RBFOX1: variants seen among roughly 807,000 people sequenced by gnomAD.
RBFOX1 encodes RNA binding fox-1 homolog 1, also known as RNA binding protein fox-1 homolog 1.
In RBFOX1, 8 loss-of-function variants were observed where a neutral mutation model predicts 57.7. The observed-to-expected ratio is 0.14, with a 90% CI of 0.08 to 0.25. RBFOX1 has a LOEUF of 0.25. Ranked by LOEUF, RBFOX1 falls within the 10% of genes least tolerant of loss-of-function variation. RBFOX1 has a pLI of 1.00. For synonymous variants in RBFOX1, 326 were observed against 222.4 expected (o/e 1.47, Z -4.15); for missense variants, 611 against 548.5 (o/e 1.11, Z -1.14).
chr16:5,957,801 C>T (rs1295565337), intron 4 of RBFOX1, among the ~76,000 whole-genome samples: 2 of 152,018 alleles, frequency 1.3e-5, no homozygotes, highest in Admixed American at 6.6e-5. Flanking sequence ...GAGCATTGAT[C>T]CTTTGTGTTA....
chr16:6,899,293 A>T (rs1471418240), intron 3 of RBFOX1, among the ~76,000 whole-genome samples: 1 of 152,150 alleles, frequency 6.6e-6, no homozygotes. Context: ...TGTATAATAC[A>T]TATGTGTATG....
chr16:6,095,152 C>T (rs1567442361), intron 1 of RBFOX1, among the ~76,000 whole-genome samples: 2 of 152,176 alleles, frequency 1.3e-5, no homozygotes, highest in South Asian at 2.1e-4. Flanking sequence ...TATCATCATC[C>T]TCAGCATTAC....
At chr16:7,018,787 T>TAAA (rs141781801) in intron 3 of RBFOX1, among the ~76,000 whole-genome samples, 3,445 of 146,488 alleles carry the variant, frequency 0.024, 121 homozygotes, top group African/African-American at 0.079. Flanking sequence ...CTTAAAGTAT[T>TAAA]AAAAAAAAAA....
chr16:5,297,597 T>C (rs528324672), intron 1 of RBFOX1, among the ~76,000 whole-genome samples: 4 of 152,312 alleles, frequency 2.6e-5, no homozygotes, highest in South Asian at 4.1e-4. Context: ...TTTCTTACTA[T>C]TGAGTTGAGT....
Position 7,572,600 on chromosome 16 carries a change from GA to G in RBFOX1, c.271-7176del, listed in dbSNP as rs2092901297. Among the ~76,000 whole-genome samples the G allele has an allele frequency of 2.0e-5, 3 of 152,206 alleles. No homozygotes were observed. The South Asian group carries it at 6.2e-4, about 32-fold the overall frequency. On this transcript the variant is annotated intron_variant, in intron 5 of 15. Transcript: ENST00000550418. ...CACGCCTGTAATCCCAGCACTTTGG[GA>G]GGCTGAGGCGGGCGGATCACGAGGT...
intron 1 of RBFOX1, among the ~76,000 whole-genome samples, chr16:6,084,370 G>A (rs1379122147): frequency 6.6e-6 from 1 of 151,916 alleles, no homozygotes; most frequent in African/African-American, 2.4e-5. Context: ...CAGCCTCCCA[G>A]GCAGCTGGGA....
intron 3 of RBFOX1, among the ~76,000 whole-genome samples, chr16:6,903,284 G>C (rs1187742156): frequency 6.6e-6 from 1 of 152,084 alleles, no homozygotes; most frequent in South Asian, 2.1e-4. Flanking sequence ...TGGCCAGGAG[G>C]GCTGACCGTT....
chr16:5,858,323 G>A (rs1185855203), intron 3 of RBFOX1, among the ~76,000 whole-genome samples: 3 of 152,146 alleles, frequency 2.0e-5, no homozygotes, highest in African/African-American at 7.2e-5. Flanking sequence ...GATAATGTTT[G>A]CAATCTCCCC....
intron 2 of RBFOX1, among the ~76,000 whole-genome samples, chr16:5,510,631 C>A (rs2043551067): frequency 6.6e-6 from 1 of 152,200 alleles, no homozygotes; most frequent in African/African-American, 2.4e-5. Context: ...GCAATTCAAT[C>A]TGCAAGGTAG....
chr16:6,407,505 CAG>C (rs763632142), intron 2 of RBFOX1, among the ~76,000 whole-genome samples: 11 of 141,102 alleles, frequency 7.8e-5, no homozygotes, highest in African/African-American at 2.2e-4. Context: ...GAGGCAGAGA[CAG>C]AGAGAAAGAG....
intron 3 of RBFOX1, among the ~76,000 whole-genome samples, chr16:6,676,140 G>A (rs1333149385): frequency 0.042 from 1,171 of 27,846 alleles, 20 homozygotes; most frequent in African/African-American, 0.076. Context: ...ACACACACAC[G>A]CGCACACACA....
intron 1 of RBFOX1, among the ~76,000 whole-genome samples, chr16:6,065,683 G>T (rs528377085): frequency 9.8e-5 from 15 of 152,308 alleles, no homozygotes; most frequent in Middle Eastern, 3.4e-3. Flanking sequence ...GTGGTTAGAA[G>T]ACCTGGCTTT....
intron 4 of RBFOX1, among the ~76,000 whole-genome samples, chr16:7,204,232 G>C (rs12922501): frequency 0.29 from 44,037 of 151,952 alleles, 6,555 homozygotes; most frequent in Non-Finnish European, 0.32. Context: ...CTCATCTCTT[G>C]CCTCTATCTC....
intron 4 of RBFOX1, among the ~76,000 whole-genome samples, chr16:7,426,996 C>T (rs531553026): frequency 4.6e-5 from 7 of 152,282 alleles, no homozygotes; most frequent in East Asian, 1.9e-4. Context: ...CCATCATTCT[C>T]AGCAAACTAT....
At chr16:6,985,743 AG>A (rs1217041734) in intron 3 of RBFOX1, among the ~76,000 whole-genome samples, 1 of 148,812 alleles carries the variant, frequency 6.7e-6, no homozygotes, top group Non-Finnish European at 1.5e-5. Flanking sequence ...CTGAGGCATA[AG>A]AATTGCTTGA....
At chr16:7,057,589 G>C (rs375336237) in intron 4 of RBFOX1, among the ~76,000 whole-genome samples, 14 of 152,204 alleles carry the variant, frequency 9.2e-5, no homozygotes, top group African/African-American at 3.4e-4. Flanking sequence ...GTCTGGATCA[G>C]TTGTTCACTC....
At chr16:5,737,214 T>G (rs2052608727) in intron 3 of RBFOX1, among the ~76,000 whole-genome samples, 1 of 152,078 alleles carries the variant, frequency 6.6e-6, no homozygotes, top group Admixed American at 6.6e-5. Context: ...CTGGGTGCAG[T>G]TGCTCACGCC....
At chr16:6,308,745 A>T (rs1403971560) in intron 1 of RBFOX1, among the ~76,000 whole-genome samples, 3 of 152,210 alleles carry the variant, frequency 2.0e-5, no homozygotes, top group African/African-American at 7.2e-5. Context: ...TCGACCAGGT[A>T]TCAGGAGTTG....
chr16:5,433,399 A>C (rs757463667), intron 1 of RBFOX1, among the ~76,000 whole-genome samples: 1 of 152,104 alleles, frequency 6.6e-6, no homozygotes, highest in South Asian at 2.1e-4. Flanking sequence ...TGCGTGCTGC[A>C]CTTGGTCACT....
Sources: allele counts gnomAD v4.1 joint callset (sites outside exome capture counted in the v4.1 genomes callset), GRCh38; gene constraint gnomAD v4.1.1; transcripts MANE v1.5; gene names NCBI Gene and HGNC (gene_info 2026-07-23, HGNC 2026-07-21).